Variants in COL10A1 observed in about 807,000 individuals in gnomAD.
The protein encoded by COL10A1 is collagen type X alpha 1 chain, also known as collagen alpha-1(X) chain.
A neutral mutation model predicts 18.2 loss-of-function variants in COL10A1; 10 were observed. That is an observed-to-expected ratio of 0.55 (90% confidence interval 0.34 to 0.93). The LOEUF (loss-of-function observed/expected upper bound fraction) is 0.93, where lower values mean the gene tolerates loss of function less well. COL10A1 is among the 40% of genes least tolerant of loss of function. The probability of loss-of-function intolerance (pLI) is 0.02; values close to 1 mark genes in which losing one functional copy is unlikely to be tolerated. For missense variants in COL10A1, 897 were observed against 853.5 expected (o/e 1.05, Z -0.64); for synonymous variants, 330 against 316.6 (o/e 1.04, Z -0.45).
At chr6:116,128,423 A>C (rs973181519), upstream of COL10A1, among the ~76,000 whole-genome samples, 11 of 152,104 alleles carry the variant, frequency 7.2e-5, no homozygotes, top group African/African-American at 2.7e-4. Context: ...CTGTGGCTTT[A>C]TGAAGGAAAC....
chr6:116,193,869 G>A, the COL10A1 span, among the ~76,000 whole-genome samples: 4 of 151,888 alleles, frequency 2.6e-5, no homozygotes, highest in Admixed American at 2.6e-4. Context: ...CCAGTTGTTC[G>A]AAACCAGCCT....
At chr6:116,137,877 C>T (rs936306783) in intron 1 of COL10A1, among the ~76,000 whole-genome samples, 30 of 152,040 alleles carry the variant, frequency 2.0e-4, no homozygotes, top group African/African-American at 6.8e-4. Context: ...GTCAAGAGTT[C>T]GAGACCAGCC....
rs1396205500 is a variant in COL10A1 at position 116,119,310 on chromosome 6, A to G, written c.*763T>C. 1.3e-5 allele frequency: 2 copies of G among 152,526 alleles called. No individual in the cohort carries two copies. The highest frequency in any genetic ancestry group is 2.4e-5 in the African/African-American group (1 of 41,464). The allele number at this position is 152,526 out of a possible 1,614,324, so 9.4% of individuals were successfully genotyped here. On this transcript the variant is annotated 3_prime_UTR_variant, in exon 3 of 3. Transcript: ENST00000651968. ...GAATTAAAGAAATCAAATTAATCAC[A>G]CTTGTGTTAACTAAATAAGAATAGG...
chr6:116,165,447 T>C, the COL10A1 span, among the ~76,000 whole-genome samples: 1 of 152,198 alleles, frequency 6.6e-6, no homozygotes, highest in Non-Finnish European at 1.5e-5. Context: ...GCTTACTTTT[T>C]CTTCTTCTTT....
At chr6:116,143,873 TTG>T (rs1779826156) in intron 1 of COL10A1, among the ~76,000 whole-genome samples, 1 of 152,204 alleles carries the variant, frequency 6.6e-6, no homozygotes, top group African/African-American at 2.4e-5. Context: ...TTTGGTTGTG[TTG>T]TGTTTTCTCT....
the COL10A1 span, among the ~76,000 whole-genome samples, chr6:116,183,646 A>C: frequency 6.8e-6 from 1 of 146,602 alleles, no homozygotes; most frequent in Non-Finnish European, 1.5e-5. Context: ...TTATTTTATT[A>C]TTTTTTTTTT....
Position 116,120,910 on chromosome 6 carries a change from G to C in COL10A1, c.1206C>G (p.Asn402Lys), listed in dbSNP as rs574310746. The change falls in exon 3 of 3, where the codon AAC becomes AAG. Residue 402 changes from asparagine (N) to lysine (K), a missense_variant. Coordinates refer to ENST00000651968, the MANE Select transcript of COL10A1 (RefSeq NM_000493.4). ...CACCTTTTGGACCTGGTAACCCTGGGTTACCCTTAGGACCATCGAGACCTG... is the reference window on the plus strand; with the variant it reads ...CACCTTTTGGACCTGGTAACCCTGGCTTACCCTTAGGACCATCGAGACCTG... ...GKPGLDGPKGNPGLPGPKGDP... is the reference protein window; with the variant it reads ...GKPGLDGPKGKPGLPGPKGDP... 6 of 1,613,942 alleles carry C rather than the reference G, an allele frequency of 3.7e-6. No homozygotes were observed. In the African/African-American group the frequency reaches 6.7e-5, roughly 18 times the overall value.
chr6:116,191,594 C>T, the COL10A1 span, among the ~76,000 whole-genome samples: 7 of 152,114 alleles, frequency 4.6e-5, no homozygotes, highest in East Asian at 1.9e-4. Context: ...CCTCAAGGTA[C>T]GTGATACCAC....
At chr6:116,185,932 A>AT in the COL10A1 span, among the ~76,000 whole-genome samples, 2 of 151,604 alleles carry the variant, frequency 1.3e-5, no homozygotes, top group South Asian at 2.1e-4. Flanking sequence ...AAAACCTTGG[A>AT]TTTTTTTCAT....
At chr6:116,178,902 T>A in the COL10A1 span, among the ~76,000 whole-genome samples, 2 of 152,334 alleles carry the variant, frequency 1.3e-5, no homozygotes, top group East Asian at 3.9e-4. Context: ...TTACTCGATA[T>A]GCATTTCCAG....
chr6:116,215,679 G>A, the COL10A1 span, among the ~76,000 whole-genome samples: 6 of 152,118 alleles, frequency 3.9e-5, no homozygotes, highest in Non-Finnish European at 8.8e-5. Context: ...GAGGAAACTA[G>A]GTTCTTTTAG....
At chr6:116,200,093 A>G in the COL10A1 span, among the ~76,000 whole-genome samples, 1 of 151,984 alleles carries the variant, frequency 6.6e-6, no homozygotes, top group Non-Finnish European at 1.5e-5. Flanking sequence ...CCTTAATAGT[A>G]TATACCCTTA....
At chr6:116,201,820 A>G in the COL10A1 span, among the ~76,000 whole-genome samples, 1 of 152,018 alleles carries the variant, frequency 6.6e-6, no homozygotes, top group Non-Finnish European at 1.5e-5. Context: ...GCATGGTTTC[A>G]TGATTATAAT....
At chr6:116,154,414 C>T (rs1780128882) in intron 1 of COL10A1, among the ~76,000 whole-genome samples, 1 of 152,068 alleles carries the variant, frequency 6.6e-6, no homozygotes, top group Non-Finnish European at 1.5e-5. Context: ...TGTTTTCTTA[C>T]CTGGCCCCTG....
the COL10A1 span, among the ~76,000 whole-genome samples, chr6:116,172,038 A>G: frequency 3.3e-5 from 5 of 152,186 alleles, no homozygotes; most frequent in Non-Finnish European, 7.4e-5. Context: ...GAAGGTAGAG[A>G]AAACACTCTC....
In COL10A1 at chr6:116,119,210, T is replaced by C. The variant is rs534963820; in HGVS notation, c.*863A>G. 1.3e-5 allele frequency: 2 copies of C among 152,766 alleles called. No individual in the cohort carries two copies. Among genetic ancestry groups the C allele is most frequent in the Admixed American group, 1.3e-4 (2 of 15,304 alleles). 9.5% of individuals were successfully genotyped at this position (152,766 alleles called of 1,614,324 possible). A position where few individuals can be genotyped will look rare whatever the true frequency, so the allele number is the denominator to read the frequency against. ...CCCTCAGTGTAAATTATAACTTCAC[T>C]TGAATGGGAGGCACAAGGTACATGT... On this transcript the variant is annotated 3_prime_UTR_variant, in exon 3 of 3. Coordinates refer to ENST00000651968, the MANE Select transcript of COL10A1 (RefSeq NM_000493.4).
At chr6:116,202,491 T>A in the COL10A1 span, among the ~76,000 whole-genome samples, 1 of 152,036 alleles carries the variant, frequency 6.6e-6, no homozygotes, top group Non-Finnish European at 1.5e-5. Flanking sequence ...GTTTCAACCT[T>A]TAGAAAATTA....
At chr6:116,172,395 C>T in the COL10A1 span, among the ~76,000 whole-genome samples, 5 of 143,834 alleles carry the variant, frequency 3.5e-5, no homozygotes, top group South Asian at 4.4e-4. Context: ...AATCTTGGCT[C>T]GCTGCAACCT....
intron 1 of COL10A1, among the ~76,000 whole-genome samples, chr6:116,131,632 G>A (rs924115936): frequency 6.6e-6 from 1 of 152,118 alleles, no homozygotes; most frequent in Non-Finnish European, 1.5e-5. Context: ...TGCCCTATAG[G>A]TGGACATCTG....
Sources: gnomAD v4.1 joint callset for allele counts (sites outside exome capture counted in the v4.1 genomes callset) on GRCh38, gnomAD v4.1.1 for gene constraint, MANE v1.5 for transcripts, NCBI Gene and HGNC (gene_info 2026-07-23, HGNC 2026-07-21) for gene names.